Variants in LDLRAD3 observed in about 807,000 individuals in gnomAD.
LDLRAD3 encodes the protein low density lipoprotein receptor class A domain containing 3.
LDLRAD3 carries 20 observed loss-of-function variants against 29.4 expected under a neutral mutation model. The observed-to-expected ratio is 0.68, with a 90% confidence interval of 0.48 to 0.99. The LOEUF (loss-of-function observed/expected upper bound fraction) is 0.99. Among genes scored for constraint, LDLRAD3 ranks in the 50% least tolerant of loss-of-function variants. The pLI, the probability that LDLRAD3 is intolerant of heterozygous loss-of-function variation, is 0.00. For missense variants in LDLRAD3, 420 were observed against 454.3 expected (o/e 0.92, Z 0.69); for synonymous variants, 157 against 192.7 (o/e 0.81, Z 1.53).
In LDLRAD3 at chr11:36,137,644, C is replaced by T. The variant is rs116518056; in HGVS notation, c.454+39183C>T. 2.8e-3 allele frequency among the ~76,000 whole-genome samples: 432 copies of T among 152,250 alleles called. 1 individual carries two copies. The highest frequency in any genetic ancestry group is 9.0e-3 in the African/African-American group (374 of 41,554). On this transcript the variant is annotated intron_variant, in intron 4 of 5. Coordinates refer to ENST00000315571, the MANE Select transcript of LDLRAD3 (RefSeq NM_174902.4). The stretch of plus-strand genomic sequence containing the variant: ...CTGGTATTAATAAGCACATTGTGCC[C>T]GTGGACAACATTGTAGATCAATACA...
chr11:36,073,281 T>G (rs1246416697), intron 2 of LDLRAD3, among the ~76,000 whole-genome samples: 1 of 152,242 alleles, frequency 6.6e-6, no homozygotes, highest in African/African-American at 2.4e-5. Context: ...TTGGTCCCCA[T>G]CTTCCTGCTA....
intron 4 of LDLRAD3, among the ~76,000 whole-genome samples, chr11:36,190,074 G>A (rs949993793): frequency 7.1e-6 from 1 of 140,226 alleles, no homozygotes; most frequent in African/African-American, 2.6e-5. Flanking sequence ...AGGGGGAGGG[G>A]GGAGGGGAGG....
intron 1 of LDLRAD3, among the ~76,000 whole-genome samples, chr11:35,962,385 C>T (rs1334944390): frequency 1.3e-5 from 2 of 152,096 alleles, no homozygotes; most frequent in African/African-American, 2.4e-5. Flanking sequence ...ATCTCAGTCT[C>T]GTTTTGCCTC....
chr11:36,048,498 T>A (rs1432697550), intron 2 of LDLRAD3, among the ~76,000 whole-genome samples: 1 of 149,846 alleles, frequency 6.7e-6, no homozygotes, highest in East Asian at 1.9e-4. Flanking sequence ...AGAAGTTGAG[T>A]CAGGTCTATT....
At chr11:36,050,579 G>C (rs1429432154) in intron 2 of LDLRAD3, among the ~76,000 whole-genome samples, 1 of 152,212 alleles carries the variant, frequency 6.6e-6, no homozygotes, top group Non-Finnish European at 1.5e-5. Context: ...GCTGTTAAGG[G>C]AAAGTTGAGT....
chr11:36,152,048 A>G (rs1854285375), intron 4 of LDLRAD3, among the ~76,000 whole-genome samples: 1 of 152,144 alleles, frequency 6.6e-6, no homozygotes, highest in Non-Finnish European at 1.5e-5. Context: ...TGAGGTAAAA[A>G]CTGGTAGAAC....
chr11:36,014,294 A>G (rs968028824), intron 1 of LDLRAD3, among the ~76,000 whole-genome samples: 1 of 152,240 alleles, frequency 6.6e-6, no homozygotes, highest in East Asian at 1.9e-4. Context: ...AGACAGACAG[A>G]TAGACAGAGA....
At chr11:36,141,036 C>CTCTCTCTCTCTCTCT (rs1491124137) in intron 4 of LDLRAD3, among the ~76,000 whole-genome samples, 291 of 138,512 alleles carry the variant, frequency 2.1e-3, no homozygotes, top group Non-Finnish European at 2.7e-3. Flanking sequence ...CTCTCTCTCT[C>CTCTCTCTCTCTCTCT]CGTGTGGGGG....
At chr11:36,115,759 A>G (rs1369364092) in intron 4 of LDLRAD3, among the ~76,000 whole-genome samples, 2 of 152,206 alleles carry the variant, frequency 1.3e-5, no homozygotes, top group Non-Finnish European at 2.9e-5. Context: ...CTTCCTTGGC[A>G]TGAGACTGAA....
At chr11:36,052,969 T>C (rs1235071309) in intron 2 of LDLRAD3, among the ~76,000 whole-genome samples, 2 of 1,818 alleles carry the variant, frequency 1.1e-3, no homozygotes, top group African/African-American at 0.012. Flanking sequence ...TGAGGTCTGA[T>C]TTTTTTTTTT....
chr11:36,004,694 A>G (rs1397275974), intron 1 of LDLRAD3, among the ~76,000 whole-genome samples: 1 of 152,230 alleles, frequency 6.6e-6, no homozygotes, highest in African/African-American at 2.4e-5. Context: ...TTGCCCTAGT[A>G]GAGGTTCTGC....
rs192503113 is a variant in LDLRAD3, at chr11:36,118,630, G to A, written c.454+20169G>A. 1.7e-3 allele frequency among the ~76,000 whole-genome samples: 254 copies of A among 152,148 alleles called. 2 individuals carry two copies. Among genetic ancestry groups the A allele is most frequent in the Middle Eastern group, 6.8e-3 (2 of 294 alleles). On this transcript the variant is annotated intron_variant, in intron 4 of 5. Transcript: ENST00000315571. The stretch of plus-strand genomic sequence containing the variant: ...GGGGTCCTGAGCACCACTACAGAAG[G>A]TATCAGTCAATAAGTATATTATTTT...
chr11:35,975,830 ATTTT>A (rs35771900), intron 1 of LDLRAD3, among the ~76,000 whole-genome samples: 1 of 136,766 alleles, frequency 7.3e-6, no homozygotes. Context: ...AGCACTGGGG[ATTTT>A]TTTTTTTTTT....
chr11:36,080,847 G>T (rs573216940), intron 2 of LDLRAD3, among the ~76,000 whole-genome samples: 42 of 152,294 alleles, frequency 2.8e-4, no homozygotes, highest in Non-Finnish European at 5.1e-4. Context: ...GCAATGAGTT[G>T]TAATGTAACA....
At position 36,081,692 on chromosome 11, in the gene LDLRAD3, G is replaced by C; in HGVS notation, c.233G>C (p.Cys78Ser). ...AAATGTGGCCCAACCTTCTTCCCCTGTGCCAGCGGCATCCATTGCATCATT... is the reference window on the plus strand; with the variant it reads ...AAATGTGGCCCAACCTTCTTCCCCTCTGCCAGCGGCATCCATTGCATCATT... ...KSKCGPTFFPCASGIHCIIGR... is the reference protein window; with the variant it reads ...KSKCGPTFFPSASGIHCIIGR... The change falls in exon 3 of 6, where the codon TGT (cysteine) becomes TCT (serine). Residue 78 changes from cysteine (C) to serine (S), a missense_variant. Transcript: ENST00000315571. The C allele has an allele frequency of 6.2e-7, 1 of 1,614,196 alleles. No individual in the cohort carries two copies. The highest frequency in any genetic ancestry group is 8.5e-7 in the Non-Finnish European group (1 of 1,180,028).
At chr11:36,174,047 A>G (rs1462114584) in intron 4 of LDLRAD3, among the ~76,000 whole-genome samples, 3 of 152,358 alleles carry the variant, frequency 2.0e-5, no homozygotes, top group Non-Finnish European at 2.9e-5. Context: ...CAGAGCCCTC[A>G]GAAATAATAC....
intron 4 of LDLRAD3, among the ~76,000 whole-genome samples, chr11:36,184,497 T>G (rs145976739): frequency 0.013 from 2,003 of 152,356 alleles, 27 homozygotes; most frequent in Middle Eastern, 0.041. Context: ...TGACTGTATA[T>G]TACTCATTGT....
chr11:36,024,764 C>A (rs1303766755), intron 1 of LDLRAD3, among the ~76,000 whole-genome samples: 1 of 152,232 alleles, frequency 6.6e-6, no homozygotes, highest in Non-Finnish European at 1.5e-5. Flanking sequence ...CTATCCTCAA[C>A]TGAGCCCATC....
intron 4 of LDLRAD3, among the ~76,000 whole-genome samples, chr11:36,184,521 T>G (rs139849025): frequency 1.3e-5 from 2 of 152,362 alleles, no homozygotes; most frequent in African/African-American, 4.8e-5. Flanking sequence ...TGAAAAATTA[T>G]TTTTGGAAAT....
Sources: allele counts gnomAD v4.1 joint callset (sites outside exome capture counted in the v4.1 genomes callset), GRCh38; gene constraint gnomAD v4.1.1; transcripts MANE v1.5; gene names NCBI Gene and HGNC (gene_info 2026-07-23, HGNC 2026-07-21).